Variants in OTOP1 observed in about 807,000 individuals in gnomAD.
OTOP1 encodes the protein otopetrin 1.
OTOP1 carries 59 observed loss-of-function variants against 52.9 expected under a neutral mutation model. The ratio of observed to expected loss-of-function variants is 1.12; its 90% CI spans 0.91 to 1.39. OTOP1 has a LOEUF of 1.39. Among genes scored for constraint, OTOP1 ranks in the 40% most tolerant of loss-of-function variants. OTOP1 has a pLI of 0.00. For missense variants in OTOP1, 761 were observed against 800.9 expected, an observed-to-expected ratio of 0.95 and a Z score of 0.60; for synonymous variants, 317 against 337.7, an observed-to-expected ratio of 0.94 and a Z score of 0.67.
rs566782000 is a variant in OTOP1 at position 4,197,708 on chromosome 4, C to A, written c.1126G>T (p.Glu376Ter). ...TTTTTGGACTCATCCAGTGACTTCT[C>A]GTCTATCCTGTAAATCCGGATTCCA... ...LAGIRIYRIDEKSLDESKNPA... is the reference protein window; with the variant it reads ...LAGIRIYRID Residue 376 changes from glutamate (E) to a stop codon, truncating the protein, a stop_gained, in exon 5 of 6, where the codon GAG becomes TAG. Transcript: ENST00000296358. LOFTEE classifies it high-confidence loss of function. 2.5e-5 allele frequency: 40 copies of A among 1,613,802 alleles called. No homozygotes were observed. The highest frequency in any genetic ancestry group is 1.0e-4 in the Admixed American group (6 of 59,976).
chr4:4,220,631 G>C (rs1164974629), intron 1 of OTOP1, among the ~76,000 whole-genome samples: 2 of 152,194 alleles, frequency 1.3e-5, no homozygotes, highest in Non-Finnish European at 2.9e-5. Flanking sequence ...ACCTAGAACA[G>C]TGTTCCTTAC....
In OTOP1 at chr4:4,188,973, G is replaced by C. The variant is rs1381554432; in HGVS notation, c.1669C>G (p.Leu557Val). 2.5e-6 allele frequency: 4 copies of C among 1,610,586 alleles called. No homozygotes were observed. The highest frequency in any genetic ancestry group is 3.4e-6 in the Non-Finnish European group (4 of 1,178,566). The change falls in exon 6 of 6, where the codon CTT becomes GTT. Residue 557 changes from leucine (L) to valine (V), a missense_variant and splice_region_variant. Physicochemically the swap from Leu to Val is conservative, Grantham distance 32. Around this residue, in one of 3 missense-constraint regions of OTOP1, gnomAD observed 632 missense variants for 619.5 expected, o/e 1.02. Transcript: ENST00000296358. Reference sequence around the variant, plus strand: ...CAGCCAAAGGCGGGAGGTATCCAAAGCTGCAAGAGAAGAGAAAATGGCATG... The same window carrying C: ...CAGCCAAAGGCGGGAGGTATCCAAACCTGCAAGAGAAGAGAAAATGGCATG... ...AAFLFLCNIS[L>V]WIPPAFGCRP... is the part of the protein sequence containing the mutation.
chr4:4,225,804 A>G (rs1717417376), intron 1 of OTOP1, among the ~76,000 whole-genome samples: 1 of 152,016 alleles, frequency 6.6e-6, no homozygotes, highest in Non-Finnish European at 1.5e-5. Context: ...AGTGGAGTGG[A>G]GGGTACAGAC....
intron 2 of OTOP1, 74 bp from the exon 3 acceptor site, chr4:4,206,204 T>A: frequency 7.9e-7 from 1 of 1,270,854 alleles, no homozygotes; most frequent in Non-Finnish European, 1.1e-6. Context: ...TGAGAAGCTA[T>A]AAAACTCAAA....
chr4:4,193,230 C>T (rs909443870), intron 5 of OTOP1, among the ~76,000 whole-genome samples: 6 of 152,026 alleles, frequency 3.9e-5, no homozygotes, highest in African/African-American at 1.5e-4. Flanking sequence ...GCCTTGCATC[C>T]ATCCCTTCCC....
At chr4:4,192,241 T>C (rs1716525617) in intron 5 of OTOP1, among the ~76,000 whole-genome samples, 1 of 152,042 alleles carries the variant, frequency 6.6e-6, no homozygotes. Flanking sequence ...GACGTCATGC[T>C]GGAGACCCAC....
At chr4:4,194,559 A>G (rs1716579863) in intron 5 of OTOP1, among the ~76,000 whole-genome samples, 1 of 152,234 alleles carries the variant, frequency 6.6e-6, no homozygotes, top group Non-Finnish European at 1.5e-5. Flanking sequence ...ACACACAGCC[A>G]TTCTGATTTC....
At chr4:4,193,270 T>C (rs2108795230) in intron 5 of OTOP1, among the ~76,000 whole-genome samples, 1 of 151,214 alleles carries the variant, frequency 6.6e-6, no homozygotes, top group African/African-American at 2.4e-5. Context: ...TAATAGTCTC[T>C]CATCCCAGCC....
At chr4:4,193,362 G>A (rs2980117) in intron 5 of OTOP1, among the ~76,000 whole-genome samples, 36 of 152,152 alleles carry the variant, frequency 2.4e-4, no homozygotes, top group Admixed American at 1.8e-3. Flanking sequence ...CACACCCACC[G>A]TCTGTTGTCT....
At chr4:4,195,176 T>G (rs1033636057) in intron 5 of OTOP1, among the ~76,000 whole-genome samples, 1 of 152,170 alleles carries the variant, frequency 6.6e-6, no homozygotes, top group Non-Finnish European at 1.5e-5. Context: ...TCTCTCCTAT[T>G]TCCCATTCTG....
At chr4:4,219,895 G>GTATACACATATATA (rs1717245650) in intron 1 of OTOP1, among the ~76,000 whole-genome samples, 1 of 137,990 alleles carries the variant, frequency 7.2e-6, no homozygotes, top group Non-Finnish European at 1.5e-5. Context: ...ACACATATAT[G>GTATACACATATATA]TATACACATA....
At chr4:4,214,953 G>A (rs2916426) in intron 1 of OTOP1, among the ~76,000 whole-genome samples, 90,146 of 152,014 alleles carry the variant, frequency 0.59, 27,579 homozygotes, top group African/African-American at 0.73. Context: ...ATGTATATAA[G>A]TGCATGTTTT....
chr4:4,225,862 C>T (rs1332864792), intron 1 of OTOP1, among the ~76,000 whole-genome samples: 1 of 152,072 alleles, frequency 6.6e-6, no homozygotes, highest in African/African-American at 2.4e-5. Flanking sequence ...GGCATGTGGT[C>T]AGACCTGCAA....
At chr4:4,204,253 G>C (rs1193961571) in intron 3 of OTOP1, among the ~76,000 whole-genome samples, 1 of 152,092 alleles carries the variant, frequency 6.6e-6, no homozygotes, top group Non-Finnish European at 1.5e-5. Context: ...TCTGAGTCAG[G>C]TGTTTGCCCA....
chr4:4,216,444 G>A (rs917079295), intron 1 of OTOP1, among the ~76,000 whole-genome samples: 6 of 152,244 alleles, frequency 3.9e-5, no homozygotes, highest in East Asian at 1.9e-4. Flanking sequence ...AAACTGGATC[G>A]TGTATGACGT....
At chr4:4,219,573 G>A (rs567012559) in intron 1 of OTOP1, among the ~76,000 whole-genome samples, 3 of 151,900 alleles carry the variant, frequency 2.0e-5, no homozygotes, top group Admixed American at 1.3e-4. Context: ...GTGGTGGCGG[G>A]TGCCTCCATG....
At chr4:4,206,175 A>G (rs1461855023) in intron 2 of OTOP1, 45 bp from the exon 3 acceptor site, 7 of 1,463,236 alleles carry the variant, frequency 4.8e-6, no homozygotes, top group African/African-American at 1.4e-5. Flanking sequence ...TGAGACACTC[A>G]TCTTTACACT....
chr4:4,191,382 C>T (rs1716501863), intron 5 of OTOP1, among the ~76,000 whole-genome samples: 1 of 152,168 alleles, frequency 6.6e-6, no homozygotes, highest in African/African-American at 2.4e-5. Flanking sequence ...CTGTCCCTAC[C>T]TTGATCAAAC....
In OTOP1 at chr4:4,220,105, A is replaced by ATAT. The variant is rs1434375771; in HGVS notation, c.403+6356_403+6357insATA. Reference sequence around the variant, plus strand: ...CATATATATATATATATATATATATATTTTTTTTTTTTTTGAGATGGAGTT... The same window carrying ATAT: ...CATATATATATATATATATATATATATATTTTTTTTTTTTTTTGAGATGGAGTT... On this transcript the variant is annotated intron_variant, in intron 1 of 5. Coordinates refer to ENST00000296358, the MANE Select transcript of OTOP1 (RefSeq NM_177998.3). Among the ~76,000 whole-genome samples the ATAT allele has an allele frequency of 2.2e-3, 132 of 59,380 alleles. 4 individuals carry two copies. Among genetic ancestry groups the ATAT allele is most frequent in the African/African-American group, 4.8e-3 (93 of 19,470 alleles). 39.0% of individuals were successfully genotyped at this position (59,380 alleles called of 152,430 possible). A position where few individuals can be genotyped will look rare whatever the true frequency, so the allele number is the denominator to read the frequency against.
Sources: gnomAD v4.1 joint callset for allele counts (sites outside exome capture counted in the v4.1 genomes callset) on GRCh38, gnomAD v4.1.1 for gene constraint, gnomAD v4.1.1 regional missense constraint, MANE v1.5 for transcripts, NCBI Gene and HGNC (gene_info 2026-07-23, HGNC 2026-07-21) for gene names.